The following DAB1 variants were observed in gnomAD, a reference collection of about 807,000 sequenced individuals.
The protein encoded by DAB1 is disabled homolog 1.
A neutral mutation model predicts 64.6 loss-of-function variants in DAB1; 15 were observed. The ratio of observed to expected loss-of-function variants is 0.23; its 90% CI spans 0.16 to 0.36. DAB1 has a LOEUF of 0.36. Among genes scored for constraint, DAB1 ranks in the 10% least tolerant of loss-of-function variants. The pLI, the probability that DAB1 is intolerant of heterozygous loss-of-function variation, is 1.00. For missense variants in DAB1, 596 were observed against 706.7 expected, an observed-to-expected ratio of 0.84 and a Z score of 1.78; for synonymous variants, 235 against 251.9, an observed-to-expected ratio of 0.93 and a Z score of 0.64.
At chr1:58,342,736 C>A (rs1488212598) in intron 4 of DAB1, among the ~76,000 whole-genome samples, 2 of 152,134 alleles carry the variant, frequency 1.3e-5, no homozygotes, top group East Asian at 3.8e-4. Context: ...CTCTCTCAAT[C>A]CCTTTCCATC....
chr1:57,817,771 G>C (rs190651324), intron 6 of DAB1, among the ~76,000 whole-genome samples: 2 of 152,118 alleles, frequency 1.3e-5, no homozygotes, highest in Non-Finnish European at 2.9e-5. Flanking sequence ...GAGCATCTAA[G>C]TCCGTGCTTT....
chr1:58,203,373 C>T (rs866367842), intron 4 of DAB1, among the ~76,000 whole-genome samples: 27 of 152,054 alleles, frequency 1.8e-4, no homozygotes, highest in South Asian at 8.3e-4. Flanking sequence ...TAGACAACAC[C>T]CTCATATTTC....
intron 5 of DAB1, among the ~76,000 whole-genome samples, chr1:58,121,587 A>C (rs1449564055): frequency 6.6e-6 from 1 of 152,152 alleles, no homozygotes; most frequent in Non-Finnish European, 1.5e-5. Flanking sequence ...TAGTTCTGCC[A>C]GCATGAGGAT....
At chr1:58,133,789 T>C (rs1653782236) in intron 5 of DAB1, among the ~76,000 whole-genome samples, 1 of 152,238 alleles carries the variant, frequency 6.6e-6, no homozygotes, top group South Asian at 2.1e-4. Flanking sequence ...AGCCAGGTAT[T>C]GCAGAAGGAC....
At chr1:57,151,206 G>T (rs1221801307) in intron 2 of DAB1, among the ~76,000 whole-genome samples, 3 of 152,178 alleles carry the variant, frequency 2.0e-5, no homozygotes, top group African/African-American at 7.2e-5. Context: ...ACCCAGGTTT[G>T]TTGTGAGGAT....
intron 7 of DAB1, among the ~76,000 whole-genome samples, chr1:57,601,160 A>C (rs1296081406): frequency 6.6e-6 from 1 of 152,008 alleles, no homozygotes; most frequent in Non-Finnish European, 1.5e-5. Context: ...CAGTTCATCC[A>C]CCTTTAGGGT....
At chr1:58,149,308 T>C (rs1654790195) in intron 5 of DAB1, among the ~76,000 whole-genome samples, 1 of 152,164 alleles carries the variant, frequency 6.6e-6, no homozygotes, top group Non-Finnish European at 1.5e-5. Context: ...TAAGTGTTGA[T>C]TATTATCATA....
At chr1:57,682,305 C>T (rs112129907) in intron 6 of DAB1, among the ~76,000 whole-genome samples, 173 of 150,520 alleles carry the variant, frequency 1.1e-3, no homozygotes, top group Non-Finnish European at 2.0e-3. Flanking sequence ...GAAAACAGTA[C>T]AAGAAAAATC....
intron 5 of DAB1, among the ~76,000 whole-genome samples, chr1:58,114,849 G>C (rs1652223838): frequency 6.6e-6 from 1 of 152,142 alleles, no homozygotes; most frequent in South Asian, 2.1e-4. Context: ...GTTGCTCATG[G>C]TTGGCATCCA....
chr1:58,008,426 A>T (rs1646618773), intron 5 of DAB1, among the ~76,000 whole-genome samples: 1 of 152,170 alleles, frequency 6.6e-6, no homozygotes, highest in Non-Finnish European at 1.5e-5. Flanking sequence ...TTAAGTAAGG[A>T]TCCCTAAAGA....
chr1:57,107,339 C>T (rs374010656), intron 4 of DAB1, among the ~76,000 whole-genome samples: 86 of 149,252 alleles, frequency 5.8e-4, no homozygotes, highest in African/African-American at 2.0e-3. Context: ...TGCACCATTG[C>T]ACTCCAGCCT....
At chr1:58,113,076 C>CA (rs1387333974) in intron 5 of DAB1, among the ~76,000 whole-genome samples, 1 of 152,130 alleles carries the variant, frequency 6.6e-6, no homozygotes, top group Non-Finnish European at 1.5e-5. Context: ...GTGGGAGAAA[C>CA]AGACAAACAT....
chr1:58,445,521 T>C (rs1389240191), intron 3 of DAB1, among the ~76,000 whole-genome samples: 1 of 152,186 alleles, frequency 6.6e-6, no homozygotes, highest in East Asian at 1.9e-4. Context: ...AAGTGCTGTC[T>C]TGAAGCATCT....
chr1:57,228,188 A>G (rs1667413147), intron 2 of DAB1, among the ~76,000 whole-genome samples: 2 of 152,180 alleles, frequency 1.3e-5, no homozygotes, highest in South Asian at 4.1e-4. Context: ...TCTCCTTTGA[A>G]ATAGTCTTCA....
At chr1:57,291,330 G>A (rs1450749955) in intron 1 of DAB1, among the ~76,000 whole-genome samples, 164 bp from the exon 2 acceptor site, 1 of 152,168 alleles carries the variant, frequency 6.6e-6, no homozygotes, top group African/African-American at 2.4e-5. Flanking sequence ...ATACAGCAAA[G>A]GGAATGAGAG....
chr1:57,226,672 A>AATATATATATATATAGATAT (rs1667286924), intron 2 of DAB1, among the ~76,000 whole-genome samples: 1 of 136,016 alleles, frequency 7.4e-6, no homozygotes, highest in African/African-American at 3.1e-5. Flanking sequence ...TTAAAAAAAA[A>AATATATATATATATAGATAT]ATATATATAT....
intron 7 of DAB1, among the ~76,000 whole-genome samples, chr1:57,511,329 G>T (rs563861796): frequency 1.7e-4 from 26 of 152,258 alleles, no homozygotes; most frequent in East Asian, 1.3e-3. Context: ...GGCTTGTGAC[G>T]TTGCAACCAC....
In DAB1 at chr1:58,456,111, C is replaced by T. The variant is rs12097620; in HGVS notation, n.257+49949G>A. ...AAAGTATGGAAAGCATTCAGTACTA[C>T]GCTCAATACTTGGAATCTCTCAATT... On this transcript the variant is annotated intron_variant and non_coding_transcript_variant, in intron 3 of 20. Transcript: ENST00000485760. Among the ~76,000 whole-genome samples, 1,231 of 152,370 alleles carry T rather than the reference C, an allele frequency of 8.1e-3. 21 individuals are homozygous for T. Among genetic ancestry groups the T allele is most frequent in the African/African-American group, 0.028 (1,162 of 41,582 alleles).
intron 1 of DAB1, among the ~76,000 whole-genome samples, chr1:57,365,900 T>C (rs933998180): frequency 1.1e-4 from 16 of 152,170 alleles, no homozygotes; most frequent in Non-Finnish European, 2.1e-4. Flanking sequence ...AAACTGGTAT[T>C]TCATGCTAGT....
Sources: gnomAD v4.1 joint callset for allele counts (sites outside exome capture counted in the v4.1 genomes callset) on GRCh38, gnomAD v4.1.1 for gene constraint, MANE v1.5 for transcripts, NCBI Gene and HGNC (gene_info 2026-07-23, HGNC 2026-07-21) for gene names.